The following MTBP variants were observed in gnomAD, a reference collection of about 807,000 sequenced individuals.
The protein encoded by MTBP is mdm2-binding protein.
MTBP carries 101 observed loss-of-function variants against 117.0 expected under a neutral mutation model. That is an observed-to-expected ratio of 0.86 (90% CI 0.73 to 1.02). The LOEUF is 1.02. Among genes scored for constraint, MTBP ranks in the 50% least tolerant of loss-of-function variants. The pLI is 0.00. For synonymous variants in MTBP, 350 were observed against 351.5 expected (o/e 1.00, Z 0.05); for missense variants, 970 against 1,030.9 (o/e 0.94, Z 0.81).
At chr8:120,499,432 T>G (rs1814534933) in intron 14 of MTBP, among the ~76,000 whole-genome samples, 1 of 152,188 alleles carries the variant, frequency 6.6e-6, no homozygotes, top group Non-Finnish European at 1.5e-5. Flanking sequence ...AAGATTGCAT[T>G]TATTGAATAA....
intron 14 of MTBP, among the ~76,000 whole-genome samples, chr8:120,499,843 A>G (rs1262163804): frequency 6.6e-6 from 1 of 152,186 alleles, no homozygotes; most frequent in Non-Finnish European, 1.5e-5. Context: ...TACAATAACT[A>G]CAATAACTGT....
At chr8:120,469,110 A>G (rs1176915926) in intron 10 of MTBP, among the ~76,000 whole-genome samples, 1 of 152,090 alleles carries the variant, frequency 6.6e-6, no homozygotes, top group African/African-American at 2.4e-5. Context: ...CAGTGGCTCA[A>G]TCTGGGCTCA....
chr8:120,482,397 G>A (rs959922709), intron 11 of MTBP, among the ~76,000 whole-genome samples: 3 of 152,164 alleles, frequency 2.0e-5, no homozygotes, highest in African/African-American at 7.2e-5. Context: ...AAATTCTGCA[G>A]TAGCTTTTTG....
chr8:120,516,644 G>T (rs1041437812), intron 18 of MTBP, among the ~76,000 whole-genome samples: 2 of 152,006 alleles, frequency 1.3e-5, no homozygotes, highest in African/African-American at 4.8e-5. Context: ...ACTGCATAAT[G>T]ATAGAATATA....
chr8:120,459,117 A>T, intron 7 of MTBP, 98 bp from the exon 8 acceptor site: 1 of 1,043,358 alleles, frequency 9.6e-7, no homozygotes, highest in Non-Finnish European at 1.4e-6. Flanking sequence ...AAATTTATAC[A>T]TGGATTTCCC....
At chr8:120,448,046 C>A (rs1219207157) in intron 2 of MTBP, among the ~76,000 whole-genome samples, 1 of 152,092 alleles carries the variant, frequency 6.6e-6, no homozygotes, top group Non-Finnish European at 1.5e-5. Flanking sequence ...ATCCTCCTAC[C>A]TTAGCCTCCT....
At chr8:120,445,676 T>A (rs1167684854) in intron 1 of MTBP, 88 bp downstream of exon 1, 1 of 1,066,218 alleles carries the variant, frequency 9.4e-7, no homozygotes, top group East Asian at 2.4e-5. Context: ...TGAAGAGGGA[T>A]CAATATGTAG....
intron 20 of MTBP, 25 bp downstream of exon 20, chr8:120,518,842 C>T: frequency 2.0e-6 from 3 of 1,479,994 alleles, no homozygotes; most frequent in Non-Finnish European, 2.8e-6. Flanking sequence ...CTACTAATGG[C>T]AAAATTTAGT....
chr8:120,512,045 C>T (rs999760295), intron 17 of MTBP, among the ~76,000 whole-genome samples: 1 of 152,226 alleles, frequency 6.6e-6, no homozygotes, highest in East Asian at 1.9e-4. Context: ...GTATCTCCCC[C>T]ACTTTGTTTG....
At chr8:120,509,346 A>T (rs1814753231) in intron 16 of MTBP, among the ~76,000 whole-genome samples, 1 of 152,240 alleles carries the variant, frequency 6.6e-6, no homozygotes, top group Non-Finnish European at 1.5e-5. Flanking sequence ...TCATGCCAGT[A>T]ATCCTAACAC....
chr8:120,509,735 A>G (rs79882380), intron 16 of MTBP, among the ~76,000 whole-genome samples, 199 bp from the exon 17 acceptor site: 2,079 of 152,340 alleles, frequency 0.014, 40 homozygotes, highest in African/African-American at 0.046. Flanking sequence ...ATTGAGGTAC[A>G]GAAAATTTAA....
intron 4 of MTBP, chr8:120,451,606 A>G (rs1016515267): frequency 1.0e-4 from 31 of 306,624 alleles, no homozygotes; most frequent in Non-Finnish European, 1.9e-5. Context: ...TTTTTGAAAC[A>G]GGGTCTTGCT....
intron 15 of MTBP, among the ~76,000 whole-genome samples, 181 bp downstream of exon 15, chr8:120,502,790 T>C (rs1417933964): frequency 6.6e-6 from 1 of 152,178 alleles, no homozygotes; most frequent in Non-Finnish European, 1.5e-5. Flanking sequence ...AGGGAAGGGC[T>C]CATCTTGCTC....
At chr8:120,465,805 A>G (rs1813676724) in intron 10 of MTBP, among the ~76,000 whole-genome samples, 1 of 151,944 alleles carries the variant, frequency 6.6e-6, no homozygotes, top group South Asian at 2.1e-4. Flanking sequence ...GATTACAGGC[A>G]TGTGCCACCA....
intron 2 of MTBP, among the ~76,000 whole-genome samples, chr8:120,449,209 G>T (rs1330035317): frequency 6.6e-6 from 1 of 152,028 alleles, no homozygotes; most frequent in Non-Finnish European, 1.5e-5. Context: ...GCGTTGAATT[G>T]GTATGATGTA....
At chr8:120,469,238 G>T (rs1297663515) in intron 10 of MTBP, among the ~76,000 whole-genome samples, 1 of 151,462 alleles carries the variant, frequency 6.6e-6, no homozygotes, top group Non-Finnish European at 1.5e-5. Flanking sequence ...TAGAGACAAG[G>T]TTACACCATA....
At chr8:120,468,666 G>A (rs1467300472) in intron 10 of MTBP, among the ~76,000 whole-genome samples, 1 of 151,738 alleles carries the variant, frequency 6.6e-6, no homozygotes, top group East Asian at 1.9e-4. Context: ...AGAAGAATTG[G>A]GCCCTTTCTG....
chr8:120,495,008 G>T (rs1184343260), intron 13 of MTBP, among the ~76,000 whole-genome samples: 1 of 151,954 alleles, frequency 6.6e-6, no homozygotes. Context: ...CTTATATCTT[G>T]CTAATATCTT....
intron 11 of MTBP, chr8:120,473,105 C>T (rs1052893092): frequency 2.0e-5 from 3 of 152,180 alleles, no homozygotes; most frequent in African/African-American, 7.2e-5. Context: ...GTATATTTTA[C>T]ATCATCTCTA....
Sources: gnomAD v4.1 joint callset for allele counts (sites outside exome capture counted in the v4.1 genomes callset) on GRCh38, gnomAD v4.1.1 for gene constraint, MANE v1.5 for transcripts, NCBI Gene and HGNC (gene_info 2026-07-23, HGNC 2026-07-21) for gene names.